FBN3: variants seen among roughly 807,000 people sequenced by gnomAD.
FBN3 encodes the protein fibrillin-3.
A neutral mutation model predicts 330.1 loss-of-function variants in FBN3; 234 were observed. The ratio of observed to expected loss-of-function variants is 0.71; its 90% CI spans 0.64 to 0.79. The LOEUF (loss-of-function observed/expected upper bound fraction) is 0.79. Ranked by LOEUF, FBN3 falls within the 30% of genes least tolerant of loss-of-function variation. FBN3 has a pLI of 0.00. For missense variants in FBN3, 3,606 were observed against 3,886.9 expected (o/e 0.93, Z 1.92); for synonymous variants, 1,458 against 1,517.3 (o/e 0.96, Z 0.91).
At chr19:8,094,677 G>A in intron 46 of FBN3, 112 bp from the exon 47 acceptor site, 1 of 1,260,174 alleles carries the variant, frequency 7.9e-7, no homozygotes, top group Non-Finnish European at 1.1e-6. Context: ...CCCAGGACAA[G>A]CCCTCCCAGT....
chr19:8,075,279 G>C lies in FBN3; in HGVS notation c.7582+4C>G. ...ACTAGACCCCAGCCAAAGCTGGGCT[G>C]TACCTTCACAGCCATGGCCTGAGCT... On this transcript the variant is annotated splice_donor_region_variant and intron_variant, in intron 60 of 63. Coordinates refer to ENST00000600128, the MANE Select transcript of FBN3 (RefSeq NM_032447.5). 1 of 1,609,984 alleles carries C rather than the reference G, an allele frequency of 6.2e-7. No homozygotes were observed. The highest frequency in any genetic ancestry group is 2.2e-5 in the East Asian group (1 of 44,778).
chr19:8,125,870 T>C lies in FBN3; in HGVS notation c.2731+22A>G, dbSNP rs113312428. Reference sequence around the variant, plus strand: ...CAAAGGAAGAACGTGTGGCCCTGTATGCGGACCTCGCCTGGACTCACCCAC... The same window carrying C: ...CAAAGGAAGAACGTGTGGCCCTGTACGCGGACCTCGCCTGGACTCACCCAC... On this transcript the variant is annotated intron_variant, in intron 22 of 63. Transcript: ENST00000600128. 542 of 1,594,668 alleles carry C rather than the reference T, an allele frequency of 3.4e-4. No individual in the cohort carries two copies. In the African/African-American group the frequency reaches 6.3e-3, roughly 18 times the overall value.
At chr19:8,134,714 A>T (rs2083237974) in intron 13 of FBN3, among the ~76,000 whole-genome samples, 1 of 151,980 alleles carries the variant, frequency 6.6e-6, no homozygotes, top group Admixed American at 6.6e-5. Context: ...CGGGCGGATC[A>T]CCTGAGGTCA....
At position 8,126,531 on chromosome 19, in the gene FBN3, G is replaced by A. The variant is rs201538212; in HGVS notation, c.2491C>T (p.Arg831Trp). Residue 831 changes from arginine (R) to tryptophan (W), a missense_variant, in exon 20 of 64, where the codon CGG (arginine) becomes TGG (tryptophan). Coordinates refer to ENST00000600128, the MANE Select transcript of FBN3 (RefSeq NM_032447.5). ...CCGAGGGTGGCGCAGCACTCAGACC[G>A]CAGGCTGGCTCCCTGAAGGTTCACC... ...CEVNLQGASL[R>W]SECCATLGAA... 92 of 1,612,932 alleles carry A rather than the reference G, an allele frequency of 5.7e-5. No homozygotes were observed. The highest frequency in any genetic ancestry group is 6.6e-5 in the Non-Finnish European group (78 of 1,179,878).
rs752885365 is a variant in FBN3, at chr19:8,130,631, A to AGGAAGGAAGGAAGG, written c.2044+603_2044+604insCCTTCCTTCCTTCC. Among the ~76,000 whole-genome samples, 5 of 15,864 alleles carry AGGAAGGAAGGAAGG rather than the reference A, an allele frequency of 3.2e-4. No individual in the cohort carries two copies. The East Asian group carries it at 5.0e-3, about 16-fold the overall frequency. The allele number at this position is 15,864 out of a possible 152,430, so 10.4% of individuals were successfully genotyped here. ...AAGAAAGAAAGAAAGAAAGAAAGAA[A>AGGAAGGAAGGAAGG]GAAAGAAAGAAAGGAAAGGAAAGGA... On this transcript the variant is annotated intron_variant, in intron 16 of 63. Coordinates refer to ENST00000600128, the MANE Select transcript of FBN3 (RefSeq NM_032447.5).
At chr19:8,108,287 T>C in intron 36 of FBN3, 49 bp from the exon 37 acceptor site, 1 of 1,480,232 alleles carries the variant, frequency 6.8e-7, no homozygotes, top group African/African-American at 1.4e-5. Context: ...GGGCAAAGCT[T>C]AGGGGAAACA....
intron 24 of FBN3, among the ~76,000 whole-genome samples, chr19:8,123,181 C>G (rs1389757298): frequency 6.6e-6 from 1 of 151,726 alleles, no homozygotes; most frequent in Non-Finnish European, 1.5e-5. Flanking sequence ...CGGAGAAACA[C>G]TATCACTACT....
intron 41 of FBN3, among the ~76,000 whole-genome samples, chr19:8,100,143 C>T (rs1379667942): frequency 6.6e-6 from 1 of 152,026 alleles, no homozygotes; most frequent in African/African-American, 2.4e-5. Context: ...ACAGGAGGTC[C>T]CTAGAACCGT....
In FBN3 at chr19:8,089,609, A is replaced by C; in HGVS notation, c.6312T>G (p.Asp2104Glu). 6.2e-7 allele frequency: 1 copy of C among 1,614,212 alleles called. No individual in the cohort carries two copies. The highest frequency in any genetic ancestry group is 8.5e-7 in the Non-Finnish European group (1 of 1,180,034). ...AGGGACACTCACAGCGGAAGGATCC[A>C]TCGGTGTTGACACAGACGCCGTTAG... is the stretch of plus-strand genomic sequence containing the variant. The part of the protein sequence containing the change: ...VCTNGVCVNT[D>E]GSFRCECPFG... Residue 2104 changes from aspartate to glutamate, a missense_variant, in exon 51 of 64, where the codon GAT (aspartate) becomes GAG (glutamate). Asp to Glu is a conservative substitution (Grantham distance 45). Transcript: ENST00000600128.
At chr19:8,139,997 C>G (rs763573822) in intron 8 of FBN3, among the ~76,000 whole-genome samples, 35 of 152,000 alleles carry the variant, frequency 2.3e-4, no homozygotes, top group Non-Finnish European at 4.1e-4. Flanking sequence ...CGTTCTCAGC[C>G]TTATCATAGC....
At chr19:8,089,857 C>A in intron 50 of FBN3, 37 bp downstream of exon 50, 1 of 1,568,926 alleles carries the variant, frequency 6.4e-7, no homozygotes, top group Admixed American at 1.9e-5. Flanking sequence ...TCTGGGTGGC[C>A]CAGAAGGGGC....
intron 57 of FBN3, among the ~76,000 whole-genome samples, chr19:8,082,795 GTTTT>G (rs34853923): frequency 0.012 from 1,716 of 147,888 alleles, 43 homozygotes; most frequent in African/African-American, 0.041. Context: ...TGCCTGGCCT[GTTTT>G]TTTTTTTCTT....
intron 61 of FBN3, chr19:8,074,702 C>A: frequency 5.2e-6 from 1 of 191,036 alleles, no homozygotes; most frequent in South Asian, 1.5e-4. Flanking sequence ...ACATAGCATG[C>A]ACACCTCCAT....
Position 8,121,758 on chromosome 19 carries a change from TAC to T in FBN3, c.3083-374_3083-373del, listed in dbSNP as rs796894032. Among the ~76,000 whole-genome samples the T allele has an allele frequency of 7.3e-5, 11 of 150,632 alleles. No individual in the cohort carries two copies. The highest frequency in any genetic ancestry group is 1.5e-4 in the African/African-American group (6 of 40,960). ...TATTTTTATTACTTATTTATTTATT[TAC>T]TTTTTTAGAGACAGAGTCTTGCTCT... On this transcript the variant is annotated intron_variant, in intron 24 of 63. Transcript: ENST00000600128. This position sits in a 1 kb window ranked among gnomAD's most constrained non-coding sequence, Gnocchi z 4.5.
Position 8,109,822 on chromosome 19 carries a change from C to T in FBN3, c.4334-69G>A, listed in dbSNP as rs73922225. The T allele has an allele frequency of 2.5e-3, 3,631 of 1,430,478 alleles. 96 individuals carry two copies. The African/African-American group carries it at 0.047, about 18-fold the overall frequency. 88.6% of individuals were successfully genotyped at this position (1,430,478 alleles called of 1,614,324 possible). ...GGCCCCCCTCCCTCCTAGCTTCATC[C>T]TGGGAAGCTACAGCCCTCGCTCAAG... On this transcript the variant is annotated intron_variant, in intron 34 of 63. Transcript: ENST00000600128. This position sits in a 1 kb window ranked among gnomAD's most constrained non-coding sequence, Gnocchi z 5.2.
intron 59 of FBN3, among the ~76,000 whole-genome samples, chr19:8,076,254 G>A (rs866199428): frequency 3.3e-5 from 5 of 151,768 alleles, no homozygotes; most frequent in African/African-American, 1.2e-4. Flanking sequence ...GTGCGTGTGT[G>A]TGTGTGTGTG....
chr19:8,089,874 C>A lies in FBN3; in HGVS notation c.6250+20G>T. The A allele has an allele frequency of 6.3e-7, 1 of 1,583,734 alleles. No homozygotes were observed. Among genetic ancestry groups the A allele is most frequent in the Admixed American group, 1.9e-5 (1 of 53,250 alleles). The stretch of plus-strand genomic sequence containing the variant: ...TGGGTGGCCCAGAAGGGGCTCTTAG[C>A]ATGTGGGTGAGGGGCTCACCTTCTC... On this transcript the variant is annotated intron_variant, in intron 50 of 63. Coordinates refer to ENST00000600128, the MANE Select transcript of FBN3 (RefSeq NM_032447.5).
chr19:8,135,935 T>TGGGGGGGGGG, intron 13 of FBN3, 26 bp downstream of exon 13: 29 of 1,344,108 alleles, frequency 2.2e-5, no homozygotes, highest in East Asian at 1.1e-4. Context: ...CGGAAGCCCC[T>TGGGGGGGGGG]GCCCACCCGC....
In FBN3 at chr19:8,121,159, C is replaced by T. The variant is rs1413807923; in HGVS notation, c.3211+99G>A. On this transcript the variant is annotated intron_variant, in intron 25 of 63. Transcript: ENST00000600128. The surrounding 1 kb of genome is among the most constrained non-coding windows in gnomAD (Gnocchi z 4.5). The stretch of plus-strand genomic sequence containing the variant: ...AGCTCCTCCCTCCTCCTGCCCCCTC[C>T]ATCCACGTCCACACAGCAACAGCCG... The T allele has an allele frequency of 6.0e-6, 7 of 1,173,696 alleles. No homozygotes were observed. The African/African-American group carries it at 1.1e-4, about 18-fold the overall frequency. The allele number at this position is 1,173,696 out of a possible 1,614,324, so 72.7% of individuals were successfully genotyped here.
Sources: gnomAD v4.1 joint callset for allele counts (sites outside exome capture counted in the v4.1 genomes callset) on GRCh38, gnomAD v4.1.1 for gene constraint, Gnocchi (gnomAD v3.1) non-coding constraint, MANE v1.5 for transcripts, NCBI Gene and HGNC (gene_info 2026-07-23, HGNC 2026-07-21) for gene names.